Variants in EYA2 observed in about 807,000 individuals in gnomAD.
EYA2 encodes the protein EYA transcriptional coactivator and phosphatase 2.
EYA2 carries 31 observed loss-of-function variants against 69.2 expected under a neutral mutation model. The observed-to-expected ratio is 0.45, with a 90% CI of 0.34 to 0.60. The LOEUF (loss-of-function observed/expected upper bound fraction) is 0.60, where lower values mean the gene tolerates loss of function less well. EYA2 is among the 20% of genes least tolerant of loss of function. The probability of loss-of-function intolerance (pLI) is 0.02; values close to 1 mark genes in which losing one functional copy is unlikely to be tolerated. For missense variants in EYA2, 622 were observed against 701.2 expected (o/e 0.89, Z 1.28); for synonymous variants, 257 against 279.4 (o/e 0.92, Z 0.80).
intron 1 of EYA2, among the ~76,000 whole-genome samples, chr20:46,949,853 C>A (rs1978693340): frequency 6.6e-6 from 1 of 152,270 alleles, no homozygotes; most frequent in Non-Finnish European, 1.5e-5. Flanking sequence ...CACTTACCCA[C>A]TGTGTGACTT....
chr20:47,141,396 C>G (rs2033590760), intron 9 of EYA2, among the ~76,000 whole-genome samples: 1 of 152,174 alleles, frequency 6.6e-6, no homozygotes, highest in South Asian at 2.1e-4. Flanking sequence ...ACCCTGCTGT[C>G]AGCAATTCTG....
chr20:46,951,965 A>T (rs950195148), intron 1 of EYA2, among the ~76,000 whole-genome samples: 1 of 152,176 alleles, frequency 6.6e-6, no homozygotes, highest in Non-Finnish European at 1.5e-5. Context: ...ACAAATATTT[A>T]TTATGCTCCT....
At chr20:46,959,631 C>T (rs906447359) in intron 1 of EYA2, among the ~76,000 whole-genome samples, 1 of 145,920 alleles carries the variant, frequency 6.9e-6, no homozygotes, top group South Asian at 2.2e-4. Flanking sequence ...CGCACACAAA[C>T]GTGCACACAT....
At chr20:46,959,843 G>A (rs1979365140) in intron 1 of EYA2, among the ~76,000 whole-genome samples, 1 of 152,142 alleles carries the variant, frequency 6.6e-6, no homozygotes, top group Admixed American at 6.5e-5. Flanking sequence ...GCACCTGGCC[G>A]GCCAGCCAGG....
chr20:47,016,317 C>G lies in EYA2; in HGVS notation c.415+20C>G, dbSNP rs752350674. ...TGCACGGTCAGTGTGGCGCTGTGGCCCCTTCCTGCCCATCTCTAAGGACCA... is the reference window on the plus strand; with the variant it reads ...TGCACGGTCAGTGTGGCGCTGTGGCGCCTTCCTGCCCATCTCTAAGGACCA... On this transcript the variant is annotated intron_variant, in intron 5 of 15. Transcript: ENST00000327619. 3.7e-5 allele frequency: 58 copies of G among 1,582,574 alleles called. No homozygotes were observed. In the South Asian group the frequency reaches 5.6e-4, roughly 15 times the overall value.
intron 4 of EYA2, among the ~76,000 whole-genome samples, chr20:47,014,110 A>G (rs1983254342): frequency 6.6e-6 from 1 of 152,156 alleles, no homozygotes; most frequent in Non-Finnish European, 1.5e-5. Context: ...CAGAGCCTTT[A>G]TATGTTCATT....
Position 47,136,189 on chromosome 20 carries a change from C to A in EYA2, c.889-6870C>A, listed in dbSNP as rs79530199. ...TGGACTGGGAAGTAGACTTACAATA[C>A]GGCATAAATTGGAGAGCTGATAAAT... On this transcript the variant is annotated intron_variant, in intron 9 of 15. Transcript: ENST00000327619. Among the ~76,000 whole-genome samples, 569 of 152,196 alleles carry A rather than the reference C, an allele frequency of 3.7e-3. 38 individuals carry two copies. The East Asian group carries it at 0.094, about 25-fold the overall frequency.
At chr20:47,111,633 A>C (rs1375873832) in intron 9 of EYA2, among the ~76,000 whole-genome samples, 3 of 152,200 alleles carry the variant, frequency 2.0e-5, no homozygotes, top group African/African-American at 7.2e-5. Flanking sequence ...CACACTGTGA[A>C]AAGTGGGCAG....
At chr20:47,042,573 T>G (rs992111424) in intron 5 of EYA2, among the ~76,000 whole-genome samples, 1 of 152,202 alleles carries the variant, frequency 6.6e-6, no homozygotes, top group African/African-American at 2.4e-5. Context: ...GGAGTTAGGC[T>G]GTATTTGAGC....
At chr20:46,925,404 CTG>C (rs1985372248) in intron 1 of EYA2, among the ~76,000 whole-genome samples, 1 of 152,050 alleles carries the variant, frequency 6.6e-6, no homozygotes, top group African/African-American at 2.4e-5. Context: ...AAATGACAAA[CTG>C]GGGGAAATCT....
intron 1 of EYA2, among the ~76,000 whole-genome samples, chr20:46,924,235 G>T (rs892979514): frequency 2.0e-5 from 3 of 152,180 alleles, no homozygotes; most frequent in African/African-American, 4.8e-5. Flanking sequence ...GGTATGGGTG[G>T]CACATGGAGA....
At chr20:47,032,400 A>G (rs1364450773) in intron 5 of EYA2, among the ~76,000 whole-genome samples, 1 of 152,096 alleles carries the variant, frequency 6.6e-6, no homozygotes, top group Non-Finnish European at 1.5e-5. Flanking sequence ...TTTATTTTTC[A>G]TACATTTATT....
intron 1 of EYA2, among the ~76,000 whole-genome samples, chr20:46,920,468 C>T (rs900717635): frequency 6.6e-6 from 1 of 152,098 alleles, no homozygotes; most frequent in Non-Finnish European, 1.5e-5. Context: ...TTAAATGTTT[C>T]ACTGGACAAA....
intron 5 of EYA2, among the ~76,000 whole-genome samples, chr20:47,021,249 A>T (rs1197126982): frequency 1.3e-5 from 2 of 152,210 alleles, no homozygotes; most frequent in Admixed American, 1.3e-4. Flanking sequence ...TCAGGGTAAG[A>T]GAAAAGAGGA....
chr20:47,097,320 A>G (rs947018), intron 9 of EYA2, 152 bp downstream of exon 9: 355,917 of 578,452 alleles, frequency 0.62, 111,043 homozygotes, highest in Admixed American at 0.69. Flanking sequence ...AATTCCTATG[A>G]CATTTTCCTT....
At chr20:46,946,348 G>C (rs1978455575) in intron 1 of EYA2, among the ~76,000 whole-genome samples, 1 of 152,226 alleles carries the variant, frequency 6.6e-6, no homozygotes, top group African/African-American at 2.4e-5. Context: ...CGTTTTAGCT[G>C]TGAACTCATT....
At chr20:46,996,546 T>C (rs1294456618) in intron 2 of EYA2, among the ~76,000 whole-genome samples, 1 of 152,210 alleles carries the variant, frequency 6.6e-6, no homozygotes, top group East Asian at 1.9e-4. Flanking sequence ...TGTCCATTGC[T>C]TCCTTTGCAC....
intron 1 of EYA2, among the ~76,000 whole-genome samples, chr20:46,939,674 A>G (rs1986073328): frequency 6.6e-6 from 1 of 152,228 alleles, no homozygotes; most frequent in South Asian, 2.1e-4. Flanking sequence ...GAAGTGTGCT[A>G]TGAGGAAGCA....
intron 2 of EYA2, among the ~76,000 whole-genome samples, chr20:47,000,290 A>G (rs1376851735): frequency 6.6e-6 from 1 of 152,242 alleles, no homozygotes; most frequent in Non-Finnish European, 1.5e-5. Context: ...TTGCAAGATA[A>G]GTATTTTCAT....
Sources: allele counts gnomAD v4.1 joint callset (sites outside exome capture counted in the v4.1 genomes callset), GRCh38; gene constraint gnomAD v4.1.1; transcripts MANE v1.5; gene names NCBI Gene and HGNC (gene_info 2026-07-23, HGNC 2026-07-21).